TAFA1: variants seen among roughly 807,000 people sequenced by gnomAD.
The protein encoded by TAFA1 is chemokine-like protein TAFA-1.
Under a neutral mutation model 18.5 loss-of-function variants are expected in TAFA1, and 4 were observed. The ratio of observed to expected loss-of-function variants is 0.22; its 90% confidence interval spans 0.11 to 0.49. TAFA1 has a LOEUF of 0.49. Ranked by LOEUF, TAFA1 falls within the 20% of genes least tolerant of loss-of-function variation. The pLI is 0.98. For synonymous variants in TAFA1, 56 were observed against 55.2 expected (o/e 1.01, Z -0.06); for missense variants, 147 against 169.0 (o/e 0.87, Z 0.72).
chr3:68,046,221 T>A (rs1317594133), intron 2 of TAFA1, among the ~76,000 whole-genome samples: 5 of 152,176 alleles, frequency 3.3e-5, no homozygotes, highest in Admixed American at 3.3e-4. Context: ...CTGTACTACA[T>A]GAAAAATTGG....
intron 2 of TAFA1, among the ~76,000 whole-genome samples, chr3:68,284,219 T>C (rs2067956180): frequency 6.6e-6 from 1 of 152,228 alleles, no homozygotes. Flanking sequence ...CCCCTACTAA[T>C]GTTTCAATGC....
At chr3:68,504,339 C>G (rs954021404) in intron 3 of TAFA1, among the ~76,000 whole-genome samples, 1 of 152,078 alleles carries the variant, frequency 6.6e-6, no homozygotes, top group Non-Finnish European at 1.5e-5. Context: ...TGAATTGCTC[C>G]AAGCACAAAT....
chr3:68,439,432 T>C (rs1177090521), intron 3 of TAFA1, among the ~76,000 whole-genome samples: 1 of 135,734 alleles, frequency 7.4e-6, no homozygotes, highest in Non-Finnish European at 1.6e-5. Flanking sequence ...TATATATATA[T>C]ATATATATAT....
At position 68,311,516 on chromosome 3, in the gene TAFA1, A is replaced by G. The variant is rs566823966; in HGVS notation, c.119-105764A>G. 3.3e-5 allele frequency among the ~76,000 whole-genome samples: 5 copies of G among 152,270 alleles called. No individual in the cohort carries two copies. In the East Asian group the frequency reaches 9.7e-4, roughly 29 times the overall value. ...AAATACAACCATCCAAATGGGAGAA[A>G]TTGGCCAAAACAAAGGGGCTACAAG... On this transcript the variant is annotated intron_variant, in intron 2 of 4. Transcript: ENST00000478136.
At chr3:68,160,851 C>G (rs564946728) in intron 2 of TAFA1, among the ~76,000 whole-genome samples, 1 of 152,146 alleles carries the variant, frequency 6.6e-6, no homozygotes, top group Non-Finnish European at 1.5e-5. Context: ...TCTGGCTAAC[C>G]GCAGAGCCCA....
intron 3 of TAFA1, among the ~76,000 whole-genome samples, chr3:68,442,407 A>G (rs534536627): frequency 1.8e-4 from 28 of 152,096 alleles, no homozygotes; most frequent in African/African-American, 2.4e-4. Context: ...CAACTCATTT[A>G]TCCATGAGGG....
intron 2 of TAFA1, among the ~76,000 whole-genome samples, chr3:68,413,605 T>G (rs2070757896): frequency 6.6e-6 from 1 of 152,154 alleles, no homozygotes; most frequent in Non-Finnish European, 1.5e-5. Context: ...TTTTAAACCT[T>G]GATAATAATA....
At chr3:68,506,647 A>G (rs1406192125) in intron 3 of TAFA1, among the ~76,000 whole-genome samples, 1 of 152,174 alleles carries the variant, frequency 6.6e-6, no homozygotes, top group African/African-American at 2.4e-5. Context: ...GAAGCCTGAT[A>G]ACTCAAGGTG....
At chr3:68,427,415 T>C (rs6779023) in intron 3 of TAFA1, among the ~76,000 whole-genome samples, 2,724 of 151,898 alleles carry the variant, frequency 0.018, 73 homozygotes, top group African/African-American at 0.06. Flanking sequence ...TTGTGAATTA[T>C]TTCACACTTC....
chr3:68,172,069 A>G (rs1440933870), intron 2 of TAFA1, among the ~76,000 whole-genome samples: 3 of 152,184 alleles, frequency 2.0e-5, no homozygotes, highest in Non-Finnish European at 4.4e-5. Context: ...AAGTCTTCCC[A>G]AATTTGATGA....
chr3:68,223,228 A>G (rs957365215), intron 2 of TAFA1, among the ~76,000 whole-genome samples: 5 of 152,176 alleles, frequency 3.3e-5, no homozygotes, highest in Admixed American at 6.5e-5. Flanking sequence ...TAAGGTTGAG[A>G]TCGCTTATTA....
At position 68,493,836 on chromosome 3, in the gene TAFA1, G is replaced by A. The variant is rs185345379; in HGVS notation, c.260-44920G>A. Among the ~76,000 whole-genome samples the A allele has an allele frequency of 3.2e-3, 484 of 152,256 alleles. 3 individuals carry two copies. The highest frequency in any genetic ancestry group is 0.01 in the Middle Eastern group (3 of 294). ...TGACGTTTTCCTGCCCCATTCCCTGGAGGCTTCATGCACAGTGGGGTGAGA... is the reference window on the plus strand; with the variant it reads ...TGACGTTTTCCTGCCCCATTCCCTGAAGGCTTCATGCACAGTGGGGTGAGA... On this transcript the variant is annotated intron_variant, in intron 3 of 4. Coordinates refer to ENST00000478136, the MANE Select transcript of TAFA1 (RefSeq NM_213609.4).
chr3:68,254,502 A>C (rs1030099167), intron 2 of TAFA1, among the ~76,000 whole-genome samples: 1 of 152,088 alleles, frequency 6.6e-6, no homozygotes, highest in Non-Finnish European at 1.5e-5. Flanking sequence ...CTCTGAAATG[A>C]AACACTTCCA....
chr3:68,309,685 C>T (rs2068482169), intron 2 of TAFA1, among the ~76,000 whole-genome samples: 1 of 152,144 alleles, frequency 6.6e-6, no homozygotes, highest in Non-Finnish European at 1.5e-5. Flanking sequence ...GAAGCTGCCA[C>T]CTAAACTTAC....
intron 3 of TAFA1, among the ~76,000 whole-genome samples, chr3:68,496,061 C>G (rs965394219): frequency 2.8e-5 from 4 of 144,012 alleles, no homozygotes; most frequent in Non-Finnish European, 6.0e-5. Flanking sequence ...TCAAATATCA[C>G]TGTGTCTGTG....
At chr3:67,997,883 A>T in the TAFA1 span, among the ~76,000 whole-genome samples, 142,394 of 152,066 alleles carry the variant, frequency 0.94, 66,730 homozygotes, top group African/African-American at 0.96. Context: ...AGTGAATGGA[A>T]GTTGAATATT....
At chr3:68,383,923 G>A (rs189609955) in intron 2 of TAFA1, among the ~76,000 whole-genome samples, 2 of 152,106 alleles carry the variant, frequency 1.3e-5, no homozygotes, top group East Asian at 3.9e-4. Context: ...TATATGTCCA[G>A]GAATTTATTC....
chr3:68,252,259 C>T (rs1421761699), intron 2 of TAFA1, among the ~76,000 whole-genome samples: 2 of 152,158 alleles, frequency 1.3e-5, no homozygotes, highest in Non-Finnish European at 2.9e-5. Flanking sequence ...AGTTTTGTCT[C>T]AAGTCTTGTC....
chr3:68,310,460 C>G (rs2068495969), intron 2 of TAFA1, among the ~76,000 whole-genome samples: 1 of 152,122 alleles, frequency 6.6e-6, no homozygotes, highest in African/African-American at 2.4e-5. Context: ...GTTTTAGTTC[C>G]TCATGTTCCT....
Sources: allele counts gnomAD v4.1 joint callset (sites outside exome capture counted in the v4.1 genomes callset), GRCh38; gene constraint gnomAD v4.1.1; transcripts MANE v1.5; gene names NCBI Gene and HGNC (gene_info 2026-07-23, HGNC 2026-07-21).